The following CAMTA1 variants were observed in gnomAD, a reference collection of about 807,000 sequenced individuals.
The protein encoded by CAMTA1 is calmodulin-binding transcription activator 1.
CAMTA1 carries 27 observed loss-of-function variants against 170.9 expected under a neutral mutation model. The observed-to-expected ratio is 0.16, with a 90% confidence interval of 0.12 to 0.22. CAMTA1 has a LOEUF of 0.22. Ranked by LOEUF, CAMTA1 falls within the 10% of genes least tolerant of loss-of-function variation. The pLI is 1.00. For missense variants in CAMTA1, 1,619 were observed against 2,217.2 expected, an observed-to-expected ratio of 0.73 and a Z score of 5.42; for synonymous variants, 833 against 891.5, an observed-to-expected ratio of 0.93 and a Z score of 1.17.
rs1002050369 is a variant in CAMTA1, at chr1:7,179,567, G to C, written c.303-69924G>C. Among the ~76,000 whole-genome samples, 8 of 152,160 alleles carry C rather than the reference G, an allele frequency of 5.3e-5. No individual in the cohort carries two copies. In the South Asian group the frequency reaches 1.7e-3, roughly 32 times the overall value. ...ATTATAAACAATACTTTCTAACCAC[G>C]GTGCACTAAAACTGGACATTATTAA... On this transcript the variant is annotated intron_variant, in intron 4 of 22. Coordinates refer to ENST00000303635, the MANE Select transcript of CAMTA1 (RefSeq NM_015215.4).
intron 5 of CAMTA1, among the ~76,000 whole-genome samples, chr1:7,428,012 A>AG (rs1171769222): frequency 6.6e-6 from 1 of 152,170 alleles, no homozygotes; most frequent in Non-Finnish European, 1.5e-5. Flanking sequence ...CTGCCACGGG[A>AG]GGGAAGCAGG....
chr1:7,663,318 G>T (rs372622841), intron 8 of CAMTA1, 35 bp from the exon 9 acceptor site: 10 of 1,514,422 alleles, frequency 6.6e-6, no homozygotes, highest in Non-Finnish European at 8.9e-6. Flanking sequence ...GTGTGCCTGC[G>T]TGTGCGTGCG....
At chr1:7,498,813 GTA>G (rs1226321175) in intron 6 of CAMTA1, among the ~76,000 whole-genome samples, 3 of 147,954 alleles carry the variant, frequency 2.0e-5, no homozygotes, top group Non-Finnish European at 3.0e-5. Context: ...GTACATGTGT[GTA>G]GAGAGGATGG....
intron 4 of CAMTA1, among the ~76,000 whole-genome samples, chr1:7,229,635 G>T (rs1662355769): frequency 6.8e-6 from 1 of 147,134 alleles, no homozygotes. Flanking sequence ...GGAAGGAGAG[G>T]AGGAAGGAGA....
chr1:7,075,084 C>A (rs1639119687), intron 3 of CAMTA1, among the ~76,000 whole-genome samples: 1 of 152,216 alleles, frequency 6.6e-6, no homozygotes. Flanking sequence ...CCTTCACAAT[C>A]TCTTTGTGGT....
At chr1:7,427,970 A>G (rs1332445519) in intron 5 of CAMTA1, among the ~76,000 whole-genome samples, 34 of 152,182 alleles carry the variant, frequency 2.2e-4, no homozygotes, top group Admixed American at 2.2e-3. Context: ...ACTACAGAGC[A>G]GACCTGGCAA....
chr1:7,180,723 G>C (rs1426125086), intron 4 of CAMTA1, among the ~76,000 whole-genome samples: 1 of 151,896 alleles, frequency 6.6e-6, no homozygotes, highest in Non-Finnish European at 1.5e-5. Context: ...TGTTGCCCAG[G>C]CTGGTCTTGA....
chr1:7,103,368 T>C (rs992487696), intron 4 of CAMTA1, among the ~76,000 whole-genome samples: 5 of 145,294 alleles, frequency 3.4e-5, no homozygotes, highest in African/African-American at 5.2e-5. Context: ...AACACACACA[T>C]ATATACACAA....
chr1:6,855,881 T>G (rs1390846525), intron 3 of CAMTA1, among the ~76,000 whole-genome samples: 1 of 152,060 alleles, frequency 6.6e-6, no homozygotes, highest in Non-Finnish European at 1.5e-5. Context: ...AGGACCAAGA[T>G]CCAGACCTCA....
At chr1:6,878,125 C>T (rs949345869) in intron 3 of CAMTA1, among the ~76,000 whole-genome samples, 3 of 152,240 alleles carry the variant, frequency 2.0e-5, no homozygotes, top group African/African-American at 7.2e-5. Context: ...AACCAAACAG[C>T]CGTGGCTTTT....
chr1:7,305,901 C>G (rs1675518273), intron 5 of CAMTA1, among the ~76,000 whole-genome samples: 1 of 151,924 alleles, frequency 6.6e-6, no homozygotes, highest in Non-Finnish European at 1.5e-5. Context: ...GTTTGCATTT[C>G]TCTAATGGTT....
At chr1:6,889,563 T>C (rs1197029144) in intron 3 of CAMTA1, among the ~76,000 whole-genome samples, 1 of 152,232 alleles carries the variant, frequency 6.6e-6, no homozygotes, top group South Asian at 2.1e-4. Flanking sequence ...GCTGCTTGTC[T>C]TACGAGGATT....
At chr1:7,023,230 C>T (rs80114562) in intron 3 of CAMTA1, among the ~76,000 whole-genome samples, 2 of 152,170 alleles carry the variant, frequency 1.3e-5, no homozygotes, top group African/African-American at 4.8e-5. Flanking sequence ...GCAGAAACTC[C>T]GAGCTGAGAA....
chr1:7,655,099 CACCTATA>C (rs1558063900), intron 7 of CAMTA1, among the ~76,000 whole-genome samples: 22 of 45,354 alleles, frequency 4.9e-4, no homozygotes, highest in East Asian at 2.3e-3. Context: ...TATACACACA[CACCTATA>C]CACACACCTA....
chr1:7,227,971 C>T (rs1456544000), intron 4 of CAMTA1, among the ~76,000 whole-genome samples: 2 of 152,166 alleles, frequency 1.3e-5, no homozygotes, highest in Non-Finnish European at 2.9e-5. Flanking sequence ...CAAAGGTTGT[C>T]GCCAGGCTTT....
At chr1:7,553,322 A>G (rs2094833471) in intron 6 of CAMTA1, among the ~76,000 whole-genome samples, 1 of 152,266 alleles carries the variant, frequency 6.6e-6, no homozygotes, top group South Asian at 2.1e-4. Flanking sequence ...GGGCTCAGCT[A>G]TGATGAAGAG....
chr1:7,065,423 C>T lies in CAMTA1; in HGVS notation c.235-25881C>T, dbSNP rs772829963. On this transcript the variant is annotated intron_variant, in intron 3 of 22. Transcript: ENST00000303635. The surrounding 1 kb of genome is among the most constrained non-coding windows in gnomAD (Gnocchi z 5.2). The stretch of plus-strand genomic sequence containing the variant: ...AGTTTTGTAGTGAATATAGAGGAGA[C>T]GAAAAAGAATGGGGATGGGAATGGA... Among the ~76,000 whole-genome samples the T allele has an allele frequency of 1.7e-4, 25 of 151,232 alleles. No individual in the cohort carries two copies. The highest frequency in any genetic ancestry group is 2.9e-4 in the Non-Finnish European group (20 of 67,888).
rs2150053940 is a variant in CAMTA1 at position 7,532,714 on chromosome 1, T to C, written c.510+64813T>C. ...CTCCCCATCAGCCTGGTAGTGACTG[T>C]TTACGATGGGTGCCCAATCGCTGAT... On this transcript the variant is annotated intron_variant, in intron 6 of 22. Transcript: ENST00000303635. This position sits in a 1 kb window ranked among gnomAD's most constrained non-coding sequence, Gnocchi z 4.2. Among the ~76,000 whole-genome samples, 1 of 152,336 alleles carries C rather than the reference T, an allele frequency of 6.6e-6. No homozygotes were observed. The highest frequency in any genetic ancestry group is 1.9e-4 in the East Asian group (1 of 5,184).
chr1:7,019,984 C>T (rs980693660), intron 3 of CAMTA1, among the ~76,000 whole-genome samples: 1 of 152,234 alleles, frequency 6.6e-6, no homozygotes, highest in Admixed American at 6.5e-5. Context: ...GAGTGGCAAG[C>T]ATTGATGGTT....
Sources: allele counts gnomAD v4.1 joint callset (sites outside exome capture counted in the v4.1 genomes callset), GRCh38; gene constraint gnomAD v4.1.1; non-coding constraint Gnocchi (gnomAD v3.1); transcripts MANE v1.5; gene names NCBI Gene and HGNC (gene_info 2026-07-23, HGNC 2026-07-21).